DCLK2: variants seen among roughly 807,000 people sequenced by gnomAD.
DCLK2 encodes doublecortin like kinase 2.
Under a neutral mutation model 78.4 loss-of-function variants are expected in DCLK2, and 31 were observed. The observed-to-expected ratio is 0.40, with a 90% CI of 0.30 to 0.53. DCLK2 has a LOEUF of 0.53. Ranked by LOEUF, DCLK2 falls within the 20% of genes least tolerant of loss-of-function variation. The pLI, the probability that DCLK2 is intolerant of heterozygous loss-of-function variation, is 0.61. For synonymous variants in DCLK2, 407 were observed against 374.9 expected (o/e 1.09, Z -0.99); for missense variants, 872 against 973.7 (o/e 0.90, Z 1.39).
chr4:150,237,417 T>G (rs1469184764), intron 10 of DCLK2, among the ~76,000 whole-genome samples: 1 of 152,316 alleles, frequency 6.6e-6, no homozygotes, highest in East Asian at 1.9e-4. Context: ...TATGAGGGAC[T>G]CAAAATCCTC....
chr4:150,255,837 C>T (rs1365420345), intron 15 of DCLK2, among the ~76,000 whole-genome samples, 183 bp from the exon 16 acceptor site: 2 of 152,134 alleles, frequency 1.3e-5, no homozygotes, highest in African/African-American at 4.8e-5. Context: ...CCAAGGACAG[C>T]CCCTTCCCCC....
chr4:150,137,353 G>A (rs1733768179), intron 2 of DCLK2, among the ~76,000 whole-genome samples: 1 of 152,118 alleles, frequency 6.6e-6, no homozygotes, highest in South Asian at 2.1e-4. Flanking sequence ...AAACACATAT[G>A]GCCTCTGGAA....
intron 2 of DCLK2, among the ~76,000 whole-genome samples, chr4:150,119,483 T>C (rs1048103576): frequency 2.6e-5 from 4 of 152,208 alleles, no homozygotes; most frequent in Non-Finnish European, 4.4e-5. Flanking sequence ...TGCCCCAGTA[T>C]TTCTATACCT....
Position 150,156,031 on chromosome 4 carries a change from A to C in DCLK2, c.757-37107A>C, listed in dbSNP as rs185691173. Among the ~76,000 whole-genome samples the C allele has an allele frequency of 6.5e-4, 99 of 152,130 alleles. 1 individual carries two copies. Among genetic ancestry groups the C allele is most frequent in the Admixed American group, 6.4e-3 (98 of 15,270 alleles). On this transcript the variant is annotated intron_variant, in intron 2 of 15. Transcript: ENST00000296550. Reference sequence around the variant, plus strand: ...GAATGTGAGGTAAAAGTCAAGGGAAAAGAGTCTTTTAGGAAGGAGGTAAAT... The same window carrying C: ...GAATGTGAGGTAAAAGTCAAGGGAACAGAGTCTTTTAGGAAGGAGGTAAAT...
intron 8 of DCLK2, among the ~76,000 whole-genome samples, chr4:150,225,610 A>G (rs1250402803): frequency 6.6e-6 from 1 of 152,236 alleles, no homozygotes; most frequent in East Asian, 1.9e-4. Context: ...TATAAAATAC[A>G]CACCAGATTT....
chr4:150,096,028 AG>A (rs10717087), intron 1 of DCLK2, among the ~76,000 whole-genome samples: 5,503 of 152,342 alleles, frequency 0.036, 120 homozygotes, highest in Middle Eastern at 0.054. Flanking sequence ...TAGAGAGACA[AG>A]AAAATCAAAT....
intron 8 of DCLK2, among the ~76,000 whole-genome samples, chr4:150,232,030 C>G (rs1742110530): frequency 6.6e-6 from 1 of 152,180 alleles, no homozygotes; most frequent in Non-Finnish European, 1.5e-5. Flanking sequence ...CATAGCATCA[C>G]AACCTCTTAA....
intron 12 of DCLK2, among the ~76,000 whole-genome samples, chr4:150,241,628 CT>C (rs1307100081): frequency 1.3e-5 from 2 of 152,154 alleles, no homozygotes; most frequent in African/African-American, 4.8e-5. Context: ...GTTTATTTGA[CT>C]AGCCATAACA....
intron 3 of DCLK2, among the ~76,000 whole-genome samples, chr4:150,196,609 T>G (rs949664456): frequency 6.6e-6 from 1 of 152,158 alleles, no homozygotes; most frequent in African/African-American, 2.4e-5. Context: ...GTTACCTAAT[T>G]TAACTCTTAT....
In DCLK2 at chr4:150,079,121, G is replaced by T; in HGVS notation, c.94G>T (p.Gly32Trp). 6.3e-7 allele frequency: 1 copy of T among 1,580,378 alleles called. No homozygotes were observed. The highest frequency in any genetic ancestry group is 8.6e-7 in the Non-Finnish European group (1 of 1,164,804). The stretch of plus-strand genomic sequence containing the variant: ...GCGGAGAGGGGCCCCCAGCTCCTCC[G>T]GGGGCAGCAGCAGCTCGGGCCCCAA... The part of the protein sequence containing the change: ...GSRRGAPSSS[G>W]GSSSSGPKGN... Residue 32 changes from glycine (G) to tryptophan (W), a missense_variant, in exon 1 of 16, where the codon GGG (glycine) becomes TGG (tryptophan). Physicochemically the swap from Gly to Trp is radical, Grantham distance 184. Coordinates refer to ENST00000296550, the MANE Select transcript of DCLK2 (RefSeq NM_001040260.4).
chr4:150,088,640 T>C (rs1729819086), intron 1 of DCLK2, among the ~76,000 whole-genome samples: 3 of 152,188 alleles, frequency 2.0e-5, no homozygotes, highest in South Asian at 4.1e-4. Context: ...CCTCTACTAC[T>C]GATTGAGTGT....
chr4:150,248,475 T>A, intron 14 of DCLK2, 90 bp downstream of exon 14: 1 of 1,063,676 alleles, frequency 9.4e-7, no homozygotes, highest in Non-Finnish European at 1.5e-6. Flanking sequence ...CATGCAAAAG[T>A]TATGCATCCA....
intron 2 of DCLK2, among the ~76,000 whole-genome samples, chr4:150,192,872 T>A (rs1178258845): frequency 6.6e-5 from 10 of 152,148 alleles, no homozygotes; most frequent in African/African-American, 2.4e-4. Context: ...AAAAATCACG[T>A]ACCTTTTTGC....
At chr4:150,133,020 C>T (rs1733434779) in intron 2 of DCLK2, among the ~76,000 whole-genome samples, 1 of 152,178 alleles carries the variant, frequency 6.6e-6, no homozygotes, top group African/African-American at 2.4e-5. Flanking sequence ...GATTGATTAA[C>T]ATTGAATTCA....
chr4:150,255,660 G>A (rs1238344490), intron 15 of DCLK2, among the ~76,000 whole-genome samples: 1 of 152,214 alleles, frequency 6.6e-6, no homozygotes, highest in African/African-American at 2.4e-5. Context: ...AACTCTCCAA[G>A]ACTGAGCACC....
intron 2 of DCLK2, among the ~76,000 whole-genome samples, chr4:150,183,774 C>T (rs1737705337): frequency 1.4e-5 from 2 of 146,830 alleles, no homozygotes; most frequent in Admixed American, 6.8e-5. Flanking sequence ...CACTCTATTT[C>T]CCAGGCTAGA....
At chr4:150,226,810 T>C (rs1324269516) in intron 8 of DCLK2, among the ~76,000 whole-genome samples, 2 of 151,530 alleles carry the variant, frequency 1.3e-5, no homozygotes, top group Admixed American at 1.3e-4. Flanking sequence ...TTTTAAAACT[T>C]GATTAGTTAC....
At chr4:150,239,654 T>TTG in intron 10 of DCLK2, 88 bp from the exon 11 acceptor site, 1 of 1,481,854 alleles carries the variant, frequency 6.7e-7, no homozygotes, top group Non-Finnish European at 9.2e-7. Context: ...GTAAATGTAT[T>TTG]TGTGTCCTTT....
At chr4:150,101,664 G>A (rs950663975) in intron 1 of DCLK2, among the ~76,000 whole-genome samples, 1 of 151,838 alleles carries the variant, frequency 6.6e-6, no homozygotes, top group Admixed American at 6.6e-5. Context: ...TGGAAATTTT[G>A]GAACTTAAAA....
Sources: allele counts gnomAD v4.1 joint callset (sites outside exome capture counted in the v4.1 genomes callset), GRCh38; gene constraint gnomAD v4.1.1; transcripts MANE v1.5; gene names NCBI Gene and HGNC (gene_info 2026-07-23, HGNC 2026-07-21).